Variants in CTBP2 observed in about 807,000 individuals in gnomAD.
CTBP2 encodes C-terminal binding protein 2.
CTBP2 carries 30 observed loss-of-function variants against 80.3 expected under a neutral mutation model. The observed-to-expected ratio is 0.37, with a 90% confidence interval of 0.28 to 0.51. CTBP2 has a LOEUF of 0.51. Among genes scored for constraint, CTBP2 ranks in the 20% least tolerant of loss-of-function variants. The pLI is 0.93. For missense variants in CTBP2, 1,212 were observed against 1,375.3 expected (o/e 0.88, Z 1.88); for synonymous variants, 594 against 587.4 (o/e 1.01, Z -0.16).
At chr10:125,067,936 G>A (rs1431220441) in intron 2 of CTBP2, among the ~76,000 whole-genome samples, 2 of 152,106 alleles carry the variant, frequency 1.3e-5, no homozygotes, top group Non-Finnish European at 2.9e-5. Context: ...GTATACCCTA[G>A]GAGGCACCCC....
rs1327285641 is a variant in CTBP2 at position 125,066,406 on chromosome 10, A to G, written c.-101-27251T>C. ...TTCTAAGCAGTCAGGTGCATGCACC[A>G]TGCTAGGTGAGTGCAGGGCAGGAAC... On this transcript the variant is annotated intron_variant, in intron 2 of 10. Coordinates refer to the CTBP2 transcript ENST00000337195. The surrounding 1 kb of genome is among the most constrained non-coding windows in gnomAD (Gnocchi z 4.1). Among the ~76,000 whole-genome samples, 2 of 152,172 alleles carry G rather than the reference A, an allele frequency of 1.3e-5. No homozygotes were observed. The highest frequency in any genetic ancestry group is 4.8e-5 in the African/African-American group (2 of 41,442).
chr10:125,054,735 C>T (rs917538918), intron 2 of CTBP2, among the ~76,000 whole-genome samples: 3 of 152,202 alleles, frequency 2.0e-5, no homozygotes, highest in Non-Finnish European at 2.9e-5. Context: ...AACAGTAATA[C>T]ATTTGTAATG....
chr10:125,019,829 A>G lies in CTBP2; in HGVS notation c.1678+6253T>C, dbSNP rs1956870992. Among the ~76,000 whole-genome samples, 4 of 152,244 alleles carry G rather than the reference A, an allele frequency of 2.6e-5. 1 individual carries two copies. Among genetic ancestry groups the G allele is most frequent in the Admixed American group, 2.6e-4 (4 of 15,288 alleles). On this transcript the variant is annotated intron_variant, in intron 1 of 8. Coordinates refer to ENST00000309035, the MANE Select transcript of CTBP2 (RefSeq NM_022802.3). ...ATTAAAACTTTCATGCTTCAAGGAC[A>G]CTATCAAGAAATTGAAAAAACAACC... is the stretch of plus-strand genomic sequence containing the variant.
chr10:125,154,920 T>C (rs1184635833), intron 1 of CTBP2, among the ~76,000 whole-genome samples: 1 of 152,206 alleles, frequency 6.6e-6, no homozygotes, highest in East Asian at 1.9e-4. Flanking sequence ...TCCCTAATGC[T>C]ACCAACAGAT....
intron 1 of CTBP2, among the ~76,000 whole-genome samples, chr10:125,159,436 G>T (rs1220799051): frequency 7.0e-6 from 1 of 143,402 alleles, no homozygotes; most frequent in Non-Finnish European, 1.5e-5. Flanking sequence ...CCCGCCGCCC[G>T]GCCCGCCCAG....
At chr10:125,142,698 G>A (rs913865245) in intron 1 of CTBP2, among the ~76,000 whole-genome samples, 1 of 152,194 alleles carries the variant, frequency 6.6e-6, no homozygotes, top group South Asian at 2.1e-4. Flanking sequence ...TTTATGCAGT[G>A]AACTGTGAAA....
At chr10:125,118,202 CAG>C (rs1853660121) in intron 1 of CTBP2, among the ~76,000 whole-genome samples, 14 of 152,120 alleles carry the variant, frequency 9.2e-5, no homozygotes, top group Admixed American at 3.3e-4. Flanking sequence ...CCTGCTCTTT[CAG>C]CTTTCAGCTT....
chr10:125,028,476 C>A (rs1252769787), upstream of CTBP2, among the ~76,000 whole-genome samples: 3 of 152,212 alleles, frequency 2.0e-5, no homozygotes, highest in African/African-American at 7.2e-5. Context: ...GGATGCCTAG[C>A]CCAAAAAAGG....
intron 1 of CTBP2, among the ~76,000 whole-genome samples, chr10:125,019,654 ACT>A (rs1956856533): frequency 6.6e-6 from 1 of 152,194 alleles, no homozygotes; most frequent in African/African-American, 2.4e-5. Context: ...CATATGCAGA[ACT>A]TTACTCAAAG....
chr10:124,992,652 C>A, intron 8 of CTBP2, 43 bp downstream of exon 10: 1 of 1,466,648 alleles, frequency 6.8e-7, no homozygotes, highest in South Asian at 1.2e-5. Flanking sequence ...GCCCCGGGGC[C>A]GTGGTGCTCA....
At chr10:124,994,844 T>A (rs544643052) in intron 4 of CTBP2, among the ~76,000 whole-genome samples, 161 bp from the exon 7 acceptor site, 4 of 152,372 alleles carry the variant, frequency 2.6e-5, no homozygotes, top group Admixed American at 2.6e-4. Context: ...AGGCGAGCAC[T>A]GCCCGCGAGG....
At chr10:125,099,344 C>T (rs1850246239) in intron 2 of CTBP2, among the ~76,000 whole-genome samples, 2 of 152,242 alleles carry the variant, frequency 1.3e-5, no homozygotes, top group African/African-American at 2.4e-5. Flanking sequence ...GGCACGCATG[C>T]CACATGAGGC....
intron 2 of CTBP2, 44 bp from the exon 5 acceptor site, chr10:125,003,148 GC>G (rs765114681): frequency 6.2e-7 from 1 of 1,610,966 alleles, no homozygotes; most frequent in East Asian, 2.2e-5. Context: ...ACCCCGTGCA[GC>G]CCACCGGCAC....
rs1554889339 is a variant in CTBP2 at position 125,053,091 on chromosome 10, G to GA, written c.-101-13937dup. Among the ~76,000 whole-genome samples, 389 of 136,904 alleles carry GA rather than the reference G, an allele frequency of 2.8e-3. 3 individuals are homozygous for GA. The Middle Eastern group carries it at 0.055, about 19-fold the overall frequency. The allele number at this position is 136,904 out of a possible 152,430, so 89.8% of individuals were successfully genotyped here. The stretch of plus-strand genomic sequence containing the variant: ...TACAAAAGGCTTATTCGAAGAGAGA[G>GA]AAAAAAAAAGAAAACAAAACCCCAC... On this transcript the variant is annotated intron_variant, in intron 2 of 10. Coordinates refer to the CTBP2 transcript ENST00000337195.
At chr10:125,021,036 C>T (rs1956984005) in intron 1 of CTBP2, among the ~76,000 whole-genome samples, 1 of 152,182 alleles carries the variant, frequency 6.6e-6, no homozygotes, top group Non-Finnish European at 1.5e-5. Flanking sequence ...TGGCTCACCC[C>T]ACGTCCTCCA....
At chr10:125,048,377 G>A (rs1445703287) in intron 2 of CTBP2, among the ~76,000 whole-genome samples, 1 of 152,204 alleles carries the variant, frequency 6.6e-6, no homozygotes, top group Non-Finnish European at 1.5e-5. Flanking sequence ...GCTACTCCTA[G>A]AAGGGAAGGC....
chr10:125,072,642 A>G (rs1426392631), intron 2 of CTBP2, among the ~76,000 whole-genome samples: 9 of 147,132 alleles, frequency 6.1e-5, no homozygotes, highest in Non-Finnish European at 1.2e-4. Flanking sequence ...AAGAAAAAAA[A>G]AAAAAAAAAA....
intron 2 of CTBP2, chr10:125,088,285 A>T (rs1590684185): frequency 6.6e-6 from 1 of 152,360 alleles, no homozygotes; most frequent in South Asian, 2.1e-4. Context: ...TAGTGGAAGG[A>T]AGTTGGCAAG....
chr10:125,027,084 G>C lies in CTBP2; in HGVS notation c.676C>G (p.Gln226Glu). ...ACAACCAGGCACGTCGGGGCCACCT[G>C]TCTGGCAGGGGCAGGGTCAATGGGT... Residue 226 changes from glutamine (Q) to glutamate (E), a missense_variant, in exon 1 of 9, where the codon CAG becomes GAG. By Grantham distance (29) the Gln-to-Glu change is conservative. This residue lies in a region of CTBP2 where 848 missense variants were observed against 782.3 expected (regional missense o/e 1.08). Transcript: ENST00000309035. The C allele has an allele frequency of 1.2e-6, 2 of 1,612,010 alleles. No individual in the cohort carries two copies. Among genetic ancestry groups the C allele is most frequent in the Non-Finnish European group, 1.7e-6 (2 of 1,178,726 alleles).
Sources: allele counts gnomAD v4.1 joint callset (sites outside exome capture counted in the v4.1 genomes callset), GRCh38; gene constraint gnomAD v4.1.1; regional missense constraint gnomAD v4.1.1; non-coding constraint Gnocchi (gnomAD v3.1); transcripts MANE v1.5; gene names NCBI Gene and HGNC (gene_info 2026-07-23, HGNC 2026-07-21).